The following DLGAP2 variants were observed in gnomAD, a reference collection of about 807,000 sequenced individuals.
The protein encoded by DLGAP2 is disks large-associated protein 2.
A neutral mutation model predicts 100.3 loss-of-function variants in DLGAP2; 26 were observed. The ratio of observed to expected loss-of-function variants is 0.26; its 90% CI spans 0.19 to 0.36. DLGAP2 has a LOEUF of 0.36. DLGAP2 is among the 10% of genes least tolerant of loss of function. The pLI is 1.00. For missense variants in DLGAP2, 1,858 were observed against 1,453.2 expected, an observed-to-expected ratio of 1.28 and a Z score of -4.53; for synonymous variants, 886 against 630.1, an observed-to-expected ratio of 1.41 and a Z score of -6.08.
intron 1 of DLGAP2, among the ~76,000 whole-genome samples, chr8:823,998 C>T (rs537418268): frequency 1.9e-4 from 29 of 152,306 alleles, no homozygotes; most frequent in East Asian, 9.7e-4. Flanking sequence ...CCCCTAACTC[C>T]GAAAGGATCC....
At chr8:884,747 G>T (rs1797888745) in intron 1 of DLGAP2, among the ~76,000 whole-genome samples, 1 of 152,120 alleles carries the variant, frequency 6.6e-6, no homozygotes, top group African/African-American at 2.4e-5. Context: ...TTTCTTCTAG[G>T]ATTTTTATCG....
chr8:1,553,147 A>T (rs1396527154), intron 5 of DLGAP2, among the ~76,000 whole-genome samples: 1 of 152,158 alleles, frequency 6.6e-6, no homozygotes, highest in East Asian at 1.9e-4. Context: ...TGCATCCCAG[A>T]GAAGACCCGG....
intron 1 of DLGAP2, among the ~76,000 whole-genome samples, chr8:742,723 G>A (rs1820517654): frequency 6.6e-6 from 1 of 151,980 alleles, no homozygotes; most frequent in Non-Finnish European, 1.5e-5. Flanking sequence ...GCCCAGGCTG[G>A]CCTTAGATTC....
chr8:1,545,255 G>C (rs1801495197), intron 4 of DLGAP2, among the ~76,000 whole-genome samples: 1 of 151,986 alleles, frequency 6.6e-6, no homozygotes, highest in African/African-American at 2.4e-5. Flanking sequence ...ACACCATCTG[G>C]TCCTGAACTT....
At chr8:1,557,031 G>A (rs1216589227) in intron 5 of DLGAP2, among the ~76,000 whole-genome samples, 1 of 152,028 alleles carries the variant, frequency 6.6e-6, no homozygotes. Flanking sequence ...CTCAAGCTCA[G>A]CACGGGGGTG....
At chr8:1,155,896 G>A (rs1198229816) in intron 2 of DLGAP2, among the ~76,000 whole-genome samples, 1 of 152,154 alleles carries the variant, frequency 6.6e-6, no homozygotes, top group Non-Finnish European at 1.5e-5. Context: ...CCAGCGGCGG[G>A]GGAGGCCAGT....
intron 2 of DLGAP2, among the ~76,000 whole-genome samples, chr8:1,134,776 C>T (rs944240285): frequency 1.3e-4 from 19 of 151,920 alleles, no homozygotes; most frequent in African/African-American, 3.1e-4. Context: ...TGGCGGCAGG[C>T]GAGGGAGAGC....
chr8:1,635,883 C>G (rs1323360166), intron 8 of DLGAP2, among the ~76,000 whole-genome samples: 2 of 152,192 alleles, frequency 1.3e-5, no homozygotes, highest in Non-Finnish European at 2.9e-5. Context: ...CCCAGTTCAC[C>G]TGCTTTTTCA....
intron 3 of DLGAP2, among the ~76,000 whole-genome samples, chr8:1,370,008 A>C (rs6558459): frequency 1.3e-5 from 2 of 151,908 alleles, no homozygotes; most frequent in African/African-American, 4.8e-5. Flanking sequence ...AGTTGCCCTC[A>C]GACCTGAGTT....
At chr8:1,437,336 C>T (rs1442442698) in intron 3 of DLGAP2, among the ~76,000 whole-genome samples, 1 of 152,258 alleles carries the variant, frequency 6.6e-6, no homozygotes, top group South Asian at 2.1e-4. Flanking sequence ...CCACAATGCT[C>T]ACACAACCAC....
intron 14 of DLGAP2, among the ~76,000 whole-genome samples, chr8:1,700,779 G>A (rs1331093302): frequency 6.6e-6 from 1 of 152,228 alleles, no homozygotes; most frequent in Non-Finnish European, 1.5e-5. Context: ...ACCCTGCAGT[G>A]TTGAATAGGG....
At chr8:1,116,810 A>AG (rs1375821347) in intron 2 of DLGAP2, among the ~76,000 whole-genome samples, 2 of 152,070 alleles carry the variant, frequency 1.3e-5, no homozygotes, top group African/African-American at 4.8e-5. Flanking sequence ...CAAAAAAAAG[A>AG]GAAAAAAAAA....
rs111796294 is a variant in DLGAP2, at chr8:863,210, C to A, written c.19-44702C>A. Among the ~76,000 whole-genome samples the A allele has an allele frequency of 7.0e-4, 107 of 152,234 alleles. 1 individual carries two copies. The highest frequency in any genetic ancestry group is 2.5e-3 in the African/African-American group (102 of 41,550). On this transcript the variant is annotated intron_variant, in intron 1 of 14. Transcript: ENST00000637795. ...GCCTATTTTGTGGAAGGGGCAGTGG[C>A]AGGATTGGACTGGAAATTGGGGTCT...
At chr8:963,993 G>A (rs979489564) in intron 2 of DLGAP2, among the ~76,000 whole-genome samples, 3 of 152,088 alleles carry the variant, frequency 2.0e-5, no homozygotes, top group East Asian at 3.9e-4. Context: ...CGACCCAAAT[G>A]TGTATATTTT....
At chr8:1,674,188 G>T (rs1798756661) in intron 10 of DLGAP2, among the ~76,000 whole-genome samples, 1 of 152,186 alleles carries the variant, frequency 6.6e-6, no homozygotes, top group Non-Finnish European at 1.5e-5. Flanking sequence ...CGAGTAGCTT[G>T]TCCCACAGGT....
intron 8 of DLGAP2, among the ~76,000 whole-genome samples, chr8:1,643,492 C>T (rs1488479830): frequency 3.4e-5 from 1 of 29,630 alleles, no homozygotes; most frequent in East Asian, 6.8e-4. Flanking sequence ...CCCTCGAACC[C>T]GCCGGTCCTC....
chr8:1,241,119 G>A (rs75159836), intron 2 of DLGAP2, among the ~76,000 whole-genome samples: 70,795 of 90,332 alleles, frequency 0.78, 27,530 homozygotes, highest in Middle Eastern at 0.91. Context: ...TGGTTCTCTC[G>A]CATGGCGCCG....
rs1166572992 is a variant in DLGAP2 at position 1,577,116 on chromosome 8, C to A, written c.1442+11222C>A. On this transcript the variant is annotated intron_variant, in intron 6 of 14. Coordinates refer to ENST00000637795, the MANE Select transcript of DLGAP2 (RefSeq NM_001346810.2). ...GCAAGTAAATGAGTACTGCACATTT[C>A]AGTATCACTGAGTGAATTTCTAATG... Among the ~76,000 whole-genome samples the A allele has an allele frequency of 2.6e-5, 4 of 152,150 alleles. No individual in the cohort carries two copies. In the East Asian group the frequency reaches 7.7e-4, roughly 29 times the overall value.
At chr8:1,174,592 C>T (rs577207068) in intron 2 of DLGAP2, among the ~76,000 whole-genome samples, 12 of 151,814 alleles carry the variant, frequency 7.9e-5, no homozygotes, top group East Asian at 2.0e-4. Context: ...CCATCATTGT[C>T]GTCATCATCA....
Sources: allele counts gnomAD v4.1 joint callset (sites outside exome capture counted in the v4.1 genomes callset), GRCh38; gene constraint gnomAD v4.1.1; transcripts MANE v1.5; gene names NCBI Gene and HGNC (gene_info 2026-07-23, HGNC 2026-07-21).